The following BCL2L11 variants were observed in gnomAD, a reference collection of about 807,000 sequenced individuals.
BCL2L11 encodes bcl-2-like protein 11.
A neutral mutation model predicts 20.6 loss-of-function variants in BCL2L11; 15 were observed. The ratio of observed to expected loss-of-function variants is 0.73; its 90% CI spans 0.49 to 1.12. The LOEUF (loss-of-function observed/expected upper bound fraction) is 1.12, where lower values mean the gene tolerates loss of function less well. Ranked by LOEUF, BCL2L11 falls within the 50% of genes most tolerant of loss-of-function variation. The pLI is 0.00. For missense variants in BCL2L11, 292 were observed against 260.9 expected (o/e 1.12, Z -0.82); for synonymous variants, 108 against 92.8 (o/e 1.16, Z -0.94).
intron 1 of BCL2L11, chr2:111,123,504 CTG>C (rs1425913863): frequency 2.0e-6 from 2 of 985,306 alleles, no homozygotes; most frequent in African/African-American, 3.5e-5. Flanking sequence ...GTTCCGCAAG[CTG>C]TTGACATTGT....
At chr2:111,131,399 G>C (rs2073928201) in intron 2 of BCL2L11, 2 of 152,070 alleles carry the variant, frequency 1.3e-5, no homozygotes, top group Non-Finnish European at 2.9e-5. Context: ...AATGTGAAAA[G>C]TATTTGTAGC....
At chr2:111,129,464 A>G (rs375077296) in intron 2 of BCL2L11, among the ~76,000 whole-genome samples, 47 of 152,240 alleles carry the variant, frequency 3.1e-4, no homozygotes, top group African/African-American at 1.1e-3. Context: ...AGATAATTAC[A>G]GATTCACATG....
chr2:111,152,013 G>A (rs1466400052), intron 3 of BCL2L11: 2 of 853,140 alleles, frequency 2.3e-6, no homozygotes, highest in South Asian at 3.2e-5. Context: ...GACTGGAAGT[G>A]GCTGTCTCTA....
chr2:111,144,458 T>A, intron 2 of BCL2L11: 1 of 1,550,344 alleles, frequency 6.5e-7, no homozygotes, highest in Non-Finnish European at 8.7e-7. Flanking sequence ...CCGCAAACGC[T>A]GATGGCAGTT....
chr2:111,158,302 G>T (rs932826902), intron 3 of BCL2L11, among the ~76,000 whole-genome samples: 9 of 152,084 alleles, frequency 5.9e-5, no homozygotes, highest in Admixed American at 3.9e-4. Context: ...GAATCAGGGG[G>T]GTGACTCCTA....
intron 1 of BCL2L11, chr2:111,122,587 C>G: frequency 4.2e-5 from 41 of 983,418 alleles, no homozygotes; most frequent in Non-Finnish European, 5.0e-5. Flanking sequence ...GCCAGCGGCG[C>G]GGGGAGGTCG....
chr2:111,147,203 C>T (rs2076631705), intron 2 of BCL2L11, among the ~76,000 whole-genome samples: 1 of 152,094 alleles, frequency 6.6e-6, no homozygotes. Context: ...CTCTGAAATG[C>T]TAAAGACACA....
intron 3 of BCL2L11, among the ~76,000 whole-genome samples, chr2:111,158,267 G>A (rs187335945): frequency 6.6e-6 from 1 of 152,306 alleles, no homozygotes; most frequent in African/African-American, 2.4e-5. Flanking sequence ...GGTTATGAAC[G>A]AGTCGTGGAG....
At chr2:111,144,453 A>C (rs1253995576) in intron 2 of BCL2L11, 1 of 1,550,252 alleles carries the variant, frequency 6.5e-7, no homozygotes, top group Non-Finnish European at 8.7e-7. Flanking sequence ...ATTTACCGCA[A>C]ACGCTGATGG....
At chr2:111,156,899 G>A (rs2077931571) in intron 3 of BCL2L11, among the ~76,000 whole-genome samples, 1 of 152,164 alleles carries the variant, frequency 6.6e-6, no homozygotes, top group Non-Finnish European at 1.5e-5. Context: ...ATTTTTCAAT[G>A]GGTCTTCGGC....
Position 111,122,717 on chromosome 2 carries a change from C to G in BCL2L11, c.-13-1016C>G, listed in dbSNP as rs1274289931. 5 of 982,610 alleles carry G rather than the reference C, an allele frequency of 5.1e-6. No individual in the cohort carries two copies. The East Asian group carries it at 5.7e-4, about 112-fold the overall frequency. 60.9% of individuals were successfully genotyped at this position (982,610 alleles called of 1,614,324 possible). A position where few individuals can be genotyped will look rare whatever the true frequency, so the allele number is the denominator to read the frequency against. The stretch of plus-strand genomic sequence containing the variant: ...GAGGCGCGGCGTGCGGAGCCCTCGG[C>G]TGCCCGGCGGAGCGCGGCGGCGGGC... On this transcript the variant is annotated intron_variant, in intron 1 of 3. Transcript: ENST00000393256.
chr2:111,152,795 A>C (rs2077401876), intron 3 of BCL2L11, among the ~76,000 whole-genome samples: 2 of 152,078 alleles, frequency 1.3e-5, no homozygotes, highest in Non-Finnish European at 2.9e-5. Context: ...TTAATGTTTA[A>C]GCGTATGTTT....
chr2:111,139,261 C>G (rs2075414108), intron 2 of BCL2L11, among the ~76,000 whole-genome samples: 1 of 152,144 alleles, frequency 6.6e-6, no homozygotes, highest in Non-Finnish European at 1.5e-5. Context: ...GGAGAGACAT[C>G]TGGAAACCTG....
At chr2:111,133,796 T>G (rs2074373970) in intron 2 of BCL2L11, among the ~76,000 whole-genome samples, 1 of 152,210 alleles carries the variant, frequency 6.6e-6, no homozygotes, top group Non-Finnish European at 1.5e-5. Flanking sequence ...TTTACTGTCT[T>G]GTTCTGTCAG....
rs1553483328 is a variant in BCL2L11 at position 111,121,019 on chromosome 2, G to GCCGCCGCCGCCA, written c.-181_-180insGCCGCCGCCACC. Reference sequence around the variant, plus strand: ...CGCCGCCGCCGCCGCCGCCGCCGCCGCCACTACCACCACTTGATTCTTGCA... The same window carrying GCCGCCGCCGCCA: ...CGCCGCCGCCGCCGCCGCCGCCGCCGCCGCCGCCGCCACCACTACCACCACTTGATTCTTGCA... On this transcript the variant is annotated 5_prime_UTR_variant, in exon 1 of 4. Transcript: ENST00000393256. 2.8e-6 allele frequency: 1 copy of GCCGCCGCCGCCA among 353,770 alleles called. No individual in the cohort carries two copies. The highest frequency in any genetic ancestry group is 5.0e-6 in the Non-Finnish European group (1 of 199,916). 21.9% of individuals were successfully genotyped at this position (353,770 alleles called of 1,614,324 possible).
intron 1 of BCL2L11, chr2:111,122,832 C>T: frequency 1.0e-6 from 1 of 985,322 alleles, no homozygotes; most frequent in Non-Finnish European, 1.2e-6. Context: ...TGGTGACGGT[C>T]AGGGGGCGCC....
At chr2:111,152,270 G>A (rs1350260415) in intron 3 of BCL2L11, among the ~76,000 whole-genome samples, 1 of 152,196 alleles carries the variant, frequency 6.6e-6, no homozygotes, top group African/African-American at 2.4e-5. Flanking sequence ...CACCCTCGGG[G>A]CAAGATCTGC....
Position 111,121,004 on chromosome 2 carries a change from GCCGCCGCCGCCGCCGCCA to G in BCL2L11, c.-196_-179del. The G allele has an allele frequency of 2.5e-6, 1 of 400,356 alleles. No homozygotes were observed. Among genetic ancestry groups the G allele is most frequent in the South Asian group, 3.9e-5 (1 of 25,726 alleles). 24.8% of individuals were successfully genotyped at this position (400,356 alleles called of 1,614,324 possible). On this transcript the variant is annotated 5_prime_UTR_variant, in exon 1 of 4. Coordinates refer to ENST00000393256, the MANE Select transcript of BCL2L11 (RefSeq NM_138621.5). ...TGCCGCCGCCGCCGCCGCCGCCGCC[GCCGCCGCCGCCGCCGCCA>G]CTACCACCACTTGATTCTTGCAGCC...
In BCL2L11 at chr2:111,165,254, A is replaced by G. The variant is rs2078969360; in HGVS notation, c.*1023A>G. 1 of 152,266 alleles carries G rather than the reference A, an allele frequency of 6.6e-6. No individual in the cohort carries two copies. Among genetic ancestry groups the G allele is most frequent in the Admixed American group, 6.5e-5 (1 of 15,290 alleles). 9.4% of individuals were successfully genotyped at this position (152,266 alleles called of 1,614,324 possible). On this transcript the variant is annotated 3_prime_UTR_variant, in exon 4 of 4. Coordinates refer to ENST00000393256, the MANE Select transcript of BCL2L11 (RefSeq NM_138621.5). Reference sequence around the variant, plus strand: ...TCTGGTTGCAGGCTTTCCCATGGTCACAGGATGCACTGTCAGCATCAGGTC... The same window carrying G: ...TCTGGTTGCAGGCTTTCCCATGGTCGCAGGATGCACTGTCAGCATCAGGTC...
Sources: allele counts gnomAD v4.1 joint callset (sites outside exome capture counted in the v4.1 genomes callset), GRCh38; gene constraint gnomAD v4.1.1; transcripts MANE v1.5; gene names NCBI Gene and HGNC (gene_info 2026-07-23, HGNC 2026-07-21).